Variants in SLC2A7 observed in about 807,000 individuals in gnomAD.
SLC2A7 encodes the protein solute carrier family 2 member 7, also known as solute carrier family 2, facilitated glucose transporter member 7.
A neutral mutation model predicts 50.5 loss-of-function variants in SLC2A7; 50 were observed. The observed-to-expected ratio is 0.99, with a 90% CI of 0.79 to 1.25. SLC2A7 has a LOEUF of 1.25. SLC2A7 is among the 50% of genes most tolerant of loss of function. SLC2A7 has a pLI of 0.00. For synonymous variants in SLC2A7, 308 were observed against 300.4 expected (o/e 1.03, Z -0.26); for missense variants, 683 against 679.1 (o/e 1.01, Z -0.06).
rs372549045 is a variant in SLC2A7 at position 9,018,362 on chromosome 1, G to A, written c.450C>T (p.Ser150=). ...GTTCTCCCAGGTACATGGGAAGGGCGCTGTAGGAGATGCCTGGTTTGGGCA... is the reference window on the plus strand; with the variant it reads ...GTTCTCCCAGGTACATGGGAAGGGCACTGTAGGAGATGCCTGGTTTGGGCA... ...VLGVCAGISY[S]ALPMYLGELA... Residue 150 remains serine, a synonymous_variant, in exon 5 of 12, where the codon AGC becomes AGT. Transcript: ENST00000400906. 41 of 1,614,054 alleles carry A rather than the reference G, an allele frequency of 2.5e-5. 1 individual carries two copies. The highest frequency in any genetic ancestry group is 7.7e-5 in the South Asian group (7 of 91,082).
downstream of SLC2A7, among the ~76,000 whole-genome samples, chr1:9,001,849 C>T (rs944635659): frequency 3.3e-5 from 5 of 152,130 alleles, no homozygotes; most frequent in African/African-American, 1.2e-4. Context: ...GATCAGACTG[C>T]TACTGTGTCT....
At chr1:9,010,074 C>G in intron 9 of SLC2A7, 69 bp downstream of exon 9, 2 of 1,443,686 alleles carry the variant, frequency 1.4e-6, no homozygotes, top group Non-Finnish European at 1.9e-6. Flanking sequence ...GCAGCGGGCC[C>G]GGTTCAGTCA....
At chr1:9,001,002 T>C (rs1640566121), downstream of SLC2A7, among the ~76,000 whole-genome samples, 1 of 152,070 alleles carries the variant, frequency 6.6e-6, no homozygotes, top group African/African-American at 2.4e-5. Flanking sequence ...TCTGAATTCC[T>C]GACCCACAGG....
chr1:8,993,777 G>A, the SLC2A7 span, among the ~76,000 whole-genome samples: 8,428 of 152,126 alleles, frequency 0.055, 753 homozygotes, highest in African/African-American at 0.19. Context: ...ACAGGTGTGC[G>A]TCACCATGCC....
chr1:8,999,895 G>A (rs1011788395), downstream of SLC2A7, among the ~76,000 whole-genome samples: 1 of 152,170 alleles, frequency 6.6e-6, no homozygotes, highest in African/African-American at 2.4e-5. Context: ...GAGACTCTGG[G>A]ATGAGCGTGC....
downstream of SLC2A7, among the ~76,000 whole-genome samples, chr1:9,000,615 T>C (rs1640560721): frequency 6.6e-6 from 1 of 151,752 alleles, no homozygotes; most frequent in South Asian, 2.1e-4. Flanking sequence ...CAAGACTCTG[T>C]CTCAAAATAA....
At chr1:9,015,781 T>C (rs1640821336) in intron 5 of SLC2A7, among the ~76,000 whole-genome samples, 2 of 150,128 alleles carry the variant, frequency 1.3e-5, no homozygotes, top group Admixed American at 1.3e-4. Context: ...CGAAGTGCAA[T>C]GGTGCGATCA....
intron 5 of SLC2A7, among the ~76,000 whole-genome samples, chr1:9,016,927 T>G (rs983535795): frequency 3.3e-5 from 5 of 152,148 alleles, no homozygotes; most frequent in African/African-American, 1.2e-4. Flanking sequence ...AGTTTTTCTC[T>G]GACCTTCTCC....
At chr1:9,019,801 G>A (rs1640886349) in intron 3 of SLC2A7, among the ~76,000 whole-genome samples, 1 of 152,130 alleles carries the variant, frequency 6.6e-6, no homozygotes, top group African/African-American at 2.4e-5. Flanking sequence ...GCACATGCCT[G>A]TAATCTCAGC....
the SLC2A7 span, among the ~76,000 whole-genome samples, chr1:8,997,311 A>AC: frequency 6.6e-6 from 1 of 152,214 alleles, no homozygotes; most frequent in African/African-American, 2.4e-5. Context: ...GTTTCTTAAA[A>AC]AAACAAACAA....
Position 9,014,844 on chromosome 1 carries a change from G to C in SLC2A7, c.740C>G (p.Thr247Arg). 1 of 1,603,082 alleles carries C rather than the reference G, an allele frequency of 6.2e-7. No homozygotes were observed. The highest frequency in any genetic ancestry group is 1.7e-5 in the Admixed American group (1 of 58,750). ...GTCCTCCAGCTCGGCCTCCATGTCCGTGTGGCCTCTCAGCCTCCTCAGAGC... is the reference window on the plus strand; with the variant it reads ...GTCCTCCAGCTCGGCCTCCATGTCCCTGTGGCCTCTCAGCCTCCTCAGAGC... Reference protein sequence around the residue: ...RQALRRLRGHTDMEAELEDMR... With the variant: ...RQALRRLRGHRDMEAELEDMR... The change falls in exon 7 of 12, where the codon ACG (threonine) becomes AGG (arginine). Residue 247 changes from threonine to arginine, a missense_variant. By Grantham distance (71) the Thr-to-Arg change is moderately conservative. Transcript: ENST00000400906.
chr1:9,018,564 C>T (rs1347588673), intron 4 of SLC2A7, among the ~76,000 whole-genome samples, 189 bp from the exon 5 acceptor site: 11 of 152,334 alleles, frequency 7.2e-5, no homozygotes, highest in South Asian at 4.1e-4. Context: ...TCAGCCCCCA[C>T]GGGGGAGTCA....
At chr1:9,019,410 C>G in intron 3 of SLC2A7, 77 bp from the exon 4 acceptor site, 2 of 1,576,242 alleles carry the variant, frequency 1.3e-6, no homozygotes, top group Non-Finnish European at 1.7e-6. Context: ...TCCTATTCTG[C>G]GGGCAGTCAC....
chr1:9,022,078 T>C (rs1167121777), intron 3 of SLC2A7, among the ~76,000 whole-genome samples: 1 of 152,238 alleles, frequency 6.6e-6, no homozygotes, highest in Non-Finnish European at 1.5e-5. Flanking sequence ...CCTATGAATC[T>C]TGCATTAATT....
At chr1:9,015,308 T>G in intron 5 of SLC2A7, 66 bp from the exon 6 acceptor site, 1 of 1,486,740 alleles carries the variant, frequency 6.7e-7, no homozygotes, top group Non-Finnish European at 8.9e-7. Context: ...ACCACTGTGC[T>G]CGGAAGGTCA....
chr1:9,013,804 A>G (rs1640785805), intron 7 of SLC2A7, among the ~76,000 whole-genome samples, 169 bp from the exon 8 acceptor site: 1 of 152,204 alleles, frequency 6.6e-6, no homozygotes, highest in African/African-American at 2.4e-5. Context: ...TCGGGACACC[A>G]GGGTGGAGCC....
chr1:9,021,890 A>G (rs973534358), intron 3 of SLC2A7, among the ~76,000 whole-genome samples: 4 of 152,172 alleles, frequency 2.6e-5, no homozygotes, highest in African/African-American at 9.7e-5. Context: ...AGTGGAGGCC[A>G]AGACTGGGCT....
At chr1:9,002,257 G>A (rs1401061215), downstream of SLC2A7, among the ~76,000 whole-genome samples, 6 of 152,160 alleles carry the variant, frequency 3.9e-5, no homozygotes, top group Admixed American at 1.3e-4. Flanking sequence ...TCTGTGCCGA[G>A]GAGGATTAGT....
At chr1:9,016,649 G>GAGGA (rs111801535) in intron 5 of SLC2A7, among the ~76,000 whole-genome samples, 5,783 of 149,550 alleles carry the variant, frequency 0.039, 126 homozygotes, top group Middle Eastern at 0.14. Flanking sequence ...AGAAGAGAGA[G>GAGGA]AGGAAGGAAG....
Sources: gnomAD v4.1 joint callset for allele counts (sites outside exome capture counted in the v4.1 genomes callset) on GRCh38, gnomAD v4.1.1 for gene constraint, MANE v1.5 for transcripts, NCBI Gene and HGNC (gene_info 2026-07-23, HGNC 2026-07-21) for gene names.